Variants in MAPKBP1 observed in about 807,000 individuals in gnomAD.
MAPKBP1 encodes mitogen-activated protein kinase binding protein 1.
A neutral mutation model predicts 170.5 loss-of-function variants in MAPKBP1; 71 were observed. The observed-to-expected ratio is 0.42, with a 90% CI of 0.34 to 0.51. The LOEUF (loss-of-function observed/expected upper bound fraction) is 0.51. Among genes scored for constraint, MAPKBP1 ranks in the 20% least tolerant of loss-of-function variants. MAPKBP1 has a pLI of 0.06. For synonymous variants in MAPKBP1, 719 were observed against 757.9 expected, an observed-to-expected ratio of 0.95 and a Z score of 0.84; for missense variants, 1,598 against 1,933.0, an observed-to-expected ratio of 0.83 and a Z score of 3.25.
rs200814576 is a variant in MAPKBP1, at chr15:41,822,114, A to T, written c.3031+4A>T. The T allele has an allele frequency of 4.5e-6, 6 of 1,343,374 alleles. No homozygotes were observed. Among genetic ancestry groups the T allele is most frequent in the Non-Finnish European group, 5.9e-6 (6 of 1,008,606 alleles). The allele number at this position is 1,343,374 out of a possible 1,614,324, so 83.2% of individuals were successfully genotyped here. On this transcript the variant is annotated splice_donor_region_variant and intron_variant, in intron 25 of 30. Transcript: ENST00000457542. ...AGCCCGGAGCACCCCACTGAAGGTG[A>T]GGCTGTAGCCTGGAGGGAGGGGCCA... is the stretch of plus-strand genomic sequence containing the variant.
At chr15:41,816,523 G>C in intron 12 of MAPKBP1, 36 bp from the exon 13 acceptor site, 2 of 1,487,908 alleles carry the variant, frequency 1.3e-6, no homozygotes, top group Non-Finnish European at 1.9e-6. Context: ...CTGCGGCCTG[G>C]CCATGGCCTC....
Position 41,816,973 on chromosome 15 carries a change from A to G in MAPKBP1, c.1649A>G (p.Glu550Gly). Residue 550 changes from glutamate (E) to glycine (G), a missense_variant, in exon 14 of 31, where the codon GAG becomes GGG. By Grantham distance (98) the Glu-to-Gly change is moderately conservative. This residue lies in a region of MAPKBP1 where 430 missense variants were observed against 617.2 expected (regional missense o/e 0.70). Coordinates refer to ENST00000457542, the MANE Select transcript of MAPKBP1 (RefSeq NM_014994.3). ...RLIHVLDAGR[E>G]YSLQQTLDEH... is the part of the protein sequence containing the mutation. ...ATCCATGTGCTGGATGCCGGGCGGG[A>G]GTACAGCCTACAGCAGACGCTGGAC... is the stretch of plus-strand genomic sequence containing the variant. The G allele has an allele frequency of 6.2e-7, 1 of 1,612,672 alleles. No individual in the cohort carries two copies. Among genetic ancestry groups the G allele is most frequent in the Non-Finnish European group, 8.5e-7 (1 of 1,179,058 alleles).
Position 41,823,949 on chromosome 15 carries a change from G to T in MAPKBP1, c.4101G>T (p.Leu1367=), listed in dbSNP as rs1413592035. ...PGPSSPCAQQ[L]PVSSLFQGPE... Reference sequence around the variant, plus strand: ...CCAGCAGCCCCTGTGCCCAGCAACTGCCAGTCAGCAGCCTCTTCCAAGGCC... The same window carrying T: ...CCAGCAGCCCCTGTGCCCAGCAACTTCCAGTCAGCAGCCTCTTCCAAGGCC... Residue 1367 remains leucine, a synonymous_variant, in exon 29 of 31, where the codon CTG becomes CTT. Transcript: ENST00000457542. The T allele has an allele frequency of 1.2e-6, 2 of 1,613,932 alleles. No homozygotes were observed. The highest frequency in any genetic ancestry group is 1.7e-6 in the Non-Finnish European group (2 of 1,180,018).
At chr15:41,821,940 C>T (rs927620072) in intron 24 of MAPKBP1, 25 bp from the exon 25 acceptor site, 3 of 1,606,148 alleles carry the variant, frequency 1.9e-6, no homozygotes, top group African/African-American at 1.3e-5. Flanking sequence ...ACTGCCTTTT[C>T]TTCTCCCTGC....
Position 41,817,916 on chromosome 15 carries a change from G to A in MAPKBP1, c.1905-93G>A. The A allele has an allele frequency of 1.3e-6, 2 of 1,510,990 alleles. No homozygotes were observed. The highest frequency in any genetic ancestry group is 1.1e-5 in the South Asian group (1 of 87,310). 93.6% of individuals were successfully genotyped at this position (1,510,990 alleles called of 1,614,324 possible). On this transcript the variant is annotated intron_variant, in intron 16 of 30. Coordinates refer to ENST00000457542, the MANE Select transcript of MAPKBP1 (RefSeq NM_014994.3). The surrounding 1 kb of genome is among the most constrained non-coding windows in gnomAD (Gnocchi z 4.2). ...TGCTGCTGGGGGTAGCTCCCAGAGAGTGTAGACTGGGAGTGAAAGCTGGCA... is the reference window on the plus strand; with the variant it reads ...TGCTGCTGGGGGTAGCTCCCAGAGAATGTAGACTGGGAGTGAAAGCTGGCA...
At position 41,817,590 on chromosome 15, in the gene MAPKBP1, T is replaced by G; in HGVS notation, c.1783-24T>G. The G allele has an allele frequency of 6.2e-7, 1 of 1,614,118 alleles. No homozygotes were observed. Among genetic ancestry groups the G allele is most frequent in the Non-Finnish European group, 8.5e-7 (1 of 1,180,006 alleles). On this transcript the variant is annotated intron_variant, in intron 15 of 30. Coordinates refer to ENST00000457542, the MANE Select transcript of MAPKBP1 (RefSeq NM_014994.3). This position sits in a 1 kb window ranked among gnomAD's most constrained non-coding sequence, Gnocchi z 4.2. ...CTGGTGAGGCATTTGGGTGTGGGCCTGCCCACATGCTCCACCCCTGCAGTC... is the reference window on the plus strand; with the variant it reads ...CTGGTGAGGCATTTGGGTGTGGGCCGGCCCACATGCTCCACCCCTGCAGTC...
Position 41,811,637 on chromosome 15 carries a change from C to T in MAPKBP1, c.328-320C>T, listed in dbSNP as rs1596086324. 1.1e-5 allele frequency: 7 copies of T among 620,806 alleles called. No homozygotes were observed. In the East Asian group the frequency reaches 2.4e-4, roughly 21 times the overall value. 38.5% of individuals were successfully genotyped at this position (620,806 alleles called of 1,614,324 possible). On this transcript the variant is annotated intron_variant, in intron 5 of 30. Coordinates refer to ENST00000457542, the MANE Select transcript of MAPKBP1 (RefSeq NM_014994.3). Reference sequence around the variant, plus strand: ...CTTCTGTCCTGGCGGCGTAGTCTTACTAGGGGCAGAAATAGACCTGAGTGG... The same window carrying T: ...CTTCTGTCCTGGCGGCGTAGTCTTATTAGGGGCAGAAATAGACCTGAGTGG...
intron 3 of MAPKBP1, among the ~76,000 whole-genome samples, chr15:41,804,701 G>A (rs901192445): frequency 6.6e-6 from 1 of 152,238 alleles, no homozygotes; most frequent in Non-Finnish European, 1.5e-5. Context: ...TGGGAGTCAT[G>A]ATCCTTCCAG....
Position 41,818,695 on chromosome 15 carries a change from CT to C in MAPKBP1, c.2156+117del. 6.6e-7 allele frequency: 1 copy of C among 1,510,458 alleles called. No individual in the cohort carries two copies. The allele number at this position is 1,510,458 out of a possible 1,614,324, so 93.6% of individuals were successfully genotyped here. ...TGGGAAGTGGGGTTAACAGGGATAG[CT>C]TTTGGCTGTGCTTGACCTGAAGTGG... On this transcript the variant is annotated intron_variant, in intron 19 of 30. Transcript: ENST00000457542. This position sits in a 1 kb window ranked among gnomAD's most constrained non-coding sequence, Gnocchi z 5.2.
chr15:41,807,824 G>A (rs2064726033), intron 3 of MAPKBP1, among the ~76,000 whole-genome samples: 1 of 152,124 alleles, frequency 6.6e-6, no homozygotes, highest in African/African-American at 2.4e-5. Flanking sequence ...GATCACCTGA[G>A]GTCAGGAGTT....
intron 21 of MAPKBP1, 45 bp from the exon 22 acceptor site, chr15:41,819,550 G>GGTT (rs2064954104): frequency 6.6e-6 from 10 of 1,518,416 alleles, no homozygotes; most frequent in Non-Finnish European, 9.0e-6. Context: ...TGGGTGGCGG[G>GGTT]GGGGGGGCAG....
In MAPKBP1 at chr15:41,824,335, C is replaced by T. The variant is rs1001629402; in HGVS notation, c.4214-149C>T. 2.6e-5 allele frequency: 21 copies of T among 809,074 alleles called. No homozygotes were observed. In the East Asian group the frequency reaches 4.6e-4, roughly 18 times the overall value. The allele number at this position is 809,074 out of a possible 1,614,324, so 50.1% of individuals were successfully genotyped here. A position where few individuals can be genotyped will look rare whatever the true frequency, so the allele number is the denominator to read the frequency against. ...CTTGTTTGTGTGGTGTTGGGGAGGC[C>T]GTTGGAAGAGAAGCCAAGAGGAAGG... On this transcript the variant is annotated intron_variant, in intron 29 of 30. Coordinates refer to ENST00000457542, the MANE Select transcript of MAPKBP1 (RefSeq NM_014994.3).
chr15:41,798,552 G>C (rs1247223557), intron 2 of MAPKBP1, among the ~76,000 whole-genome samples: 3 of 152,016 alleles, frequency 2.0e-5, no homozygotes, highest in Non-Finnish European at 4.4e-5. Context: ...CAAAGTGCTG[G>C]GATTACAGGC....
At chr15:41,782,381 G>C (rs1194471439) in intron 2 of MAPKBP1, among the ~76,000 whole-genome samples, 2 of 151,874 alleles carry the variant, frequency 1.3e-5, no homozygotes, top group Non-Finnish European at 2.9e-5. Flanking sequence ...TGAAAAAATA[G>C]AACAATGGTA....
intron 2 of MAPKBP1, among the ~76,000 whole-genome samples, chr15:41,793,084 G>C (rs935467075): frequency 6.6e-6 from 1 of 152,062 alleles, no homozygotes; most frequent in Non-Finnish European, 1.5e-5. Flanking sequence ...TGAGAACCCA[G>C]CTCCCTTCTG....
chr15:41,774,993 G>C, intron 1 of MAPKBP1, 174 bp from the exon 2 acceptor site: 1 of 483,510 alleles, frequency 2.1e-6, no homozygotes, highest in Non-Finnish European at 3.6e-6. Flanking sequence ...TCGTGGCTTA[G>C]GATTTTCCCC....
chr15:41,807,543 A>G (rs751017006), intron 3 of MAPKBP1, among the ~76,000 whole-genome samples: 1 of 152,230 alleles, frequency 6.6e-6, no homozygotes, highest in South Asian at 2.1e-4. Flanking sequence ...AACTAATCAG[A>G]AGGCTAGGGA....
rs1166671811 is a variant in MAPKBP1, at chr15:41,803,413, CAAAAA to C, written c.206+3517_206+3521del. Among the ~76,000 whole-genome samples the C allele has an allele frequency of 2.0e-3, 23 of 11,274 alleles. No individual in the cohort carries two copies. The East Asian group carries it at 0.14, about 67-fold the overall frequency. 7.4% of individuals were successfully genotyped at this position (11,274 alleles called of 152,430 possible). A position where few individuals can be genotyped will look rare whatever the true frequency, so the allele number is the denominator to read the frequency against. ...TGAGCGGCTGAGCAAGACTCCATCT[CAAAAA>C]AAAAAAAAAAAAAAAAAGGTTAAGC... is the stretch of plus-strand genomic sequence containing the variant. On this transcript the variant is annotated intron_variant, in intron 3 of 30. Coordinates refer to ENST00000457542, the MANE Select transcript of MAPKBP1 (RefSeq NM_014994.3).
At chr15:41,786,715 A>G (rs1304871024) in intron 2 of MAPKBP1, among the ~76,000 whole-genome samples, 1 of 140,880 alleles carries the variant, frequency 7.1e-6, no homozygotes, top group East Asian at 2.0e-4. Context: ...CAGTGAGCCA[A>G]GATTGCGCCA....
Sources: gnomAD v4.1 joint callset for allele counts (sites outside exome capture counted in the v4.1 genomes callset) on GRCh38, gnomAD v4.1.1 for gene constraint, gnomAD v4.1.1 regional missense constraint, Gnocchi (gnomAD v3.1) non-coding constraint, MANE v1.5 for transcripts, NCBI Gene and HGNC (gene_info 2026-07-23, HGNC 2026-07-21) for gene names.